The following IL3RA variants were observed in gnomAD, a reference collection of about 807,000 sequenced individuals.
IL3RA encodes interleukin 3 receptor subunit alpha, also known as interleukin-3 receptor subunit alpha.
A neutral mutation model predicts 52.3 loss-of-function variants in IL3RA; 73 were observed. The observed-to-expected ratio is 1.40, with a 90% confidence interval of 1.16 to 1.70. IL3RA has a LOEUF of 1.70. Ranked by LOEUF, IL3RA falls within the 40% of genes most tolerant of loss-of-function variation. IL3RA has a pLI of 0.00. For synonymous variants in IL3RA, 260 were observed against 194.0 expected (o/e 1.34, Z -2.83); for missense variants, 664 against 504.4 (o/e 1.32, Z -3.03).
At chrX:1,363,326 A>G (rs1170404795) in intron 8 of IL3RA, among the ~76,000 whole-genome samples, 2 of 132,400 alleles carry the variant, frequency 1.5e-5, no homozygotes, top group Non-Finnish European at 1.6e-5. Context: ...TTTGAGACGG[A>G]GTCTCGCTCT....
At position 1,344,196 on chromosome X, in the gene IL3RA, G is replaced by C. The variant is rs1204016580; in HGVS notation, c.65-1120G>C. ...CGTCTGTGATCCCAGCACTTTGGGA[G>C]GCTGAGGCAGGCAGATCATGTGAGG... On this transcript the variant is annotated intron_variant, in intron 2 of 11. Coordinates refer to ENST00000331035, the MANE Select transcript of IL3RA (RefSeq NM_002183.4). Among the ~76,000 whole-genome samples, 6 of 152,200 alleles carry C rather than the reference G, an allele frequency of 3.9e-5. No homozygotes were observed. The South Asian group carries it at 1.0e-3, about 26-fold the overall frequency.
rs372441655 is a variant in IL3RA at position 1,350,588 on chromosome X, T to TA, written c.299-1497dup. 2.4e-4 allele frequency among the ~76,000 whole-genome samples: 29 copies of TA among 121,664 alleles called. 2 individuals are homozygous for TA. The highest frequency in any genetic ancestry group is 1.9e-3 in the East Asian group (7 of 3,738). 79.8% of individuals were successfully genotyped at this position (121,664 alleles called of 152,430 possible). ...TGGGCAACAAGAGTGAAATTCCATC[T>TA]AAAAAAAAAAAAAAATTAAAAAGAA... On this transcript the variant is annotated intron_variant, in intron 4 of 11. Coordinates refer to ENST00000331035, the MANE Select transcript of IL3RA (RefSeq NM_002183.4).
intron 8 of IL3RA, among the ~76,000 whole-genome samples, chrX:1,363,196 G>A (rs1603447412): frequency 6.6e-6 from 1 of 152,112 alleles, no homozygotes; most frequent in African/African-American, 2.4e-5. Context: ...TCATCATAAG[G>A]CCCCATTGTA....
chrX:1,363,467 A>AT (rs1439317140), intron 8 of IL3RA, among the ~76,000 whole-genome samples: 2 of 151,156 alleles, frequency 1.3e-5, no homozygotes, highest in South Asian at 2.1e-4. Flanking sequence ...GGCCCGGCTA[A>AT]TTTTTTGTAT....
intron 10 of IL3RA, among the ~76,000 whole-genome samples, chrX:1,379,881 T>TC (rs1251481817): frequency 6.6e-6 from 1 of 152,192 alleles, no homozygotes; most frequent in African/African-American, 2.4e-5. Context: ...TGCCTCAGCC[T>TC]CCCTGAGTAG....
intron 10 of IL3RA, 121 bp downstream of exon 10, chrX:1,378,885 C>A: frequency 1.0e-6 from 1 of 964,058 alleles, no homozygotes; most frequent in Non-Finnish European, 1.6e-6. Flanking sequence ...CTCTGTCTCC[C>A]AGGCTGGAGT....
intron 9 of IL3RA, among the ~76,000 whole-genome samples, chrX:1,368,166 G>A (rs1308028220): frequency 6.6e-6 from 1 of 152,180 alleles, no homozygotes; most frequent in Non-Finnish European, 1.5e-5. Context: ...GGCTGAGGCA[G>A]GAGAATGGCG....
In IL3RA at chrX:1,381,051, C is replaced by A; in HGVS notation, c.1009C>A (p.Arg337Ser). Residue 337 changes from arginine to serine, a missense_variant, in exon 11 of 12, where the codon CGC (arginine) becomes AGC (serine). Physicochemically the swap from Arg to Ser is moderately radical, Grantham distance 110 (BLOSUM62 -1). Transcript: ENST00000331035. ...RYLVMQRLFPRIPHMKDPIGD... is the reference protein window; with the variant it reads ...RYLVMQRLFPSIPHMKDPIGD... ...TCTGGTGATGCAGAGACTCTTTCCC[C>A]GCATCCCTCACATGAAAGACCCCAT... 6.2e-7 allele frequency: 1 copy of A among 1,613,776 alleles called. No individual in the cohort carries two copies. The highest frequency in any genetic ancestry group is 8.5e-7 in the Non-Finnish European group (1 of 1,179,782).
intron 9 of IL3RA, among the ~76,000 whole-genome samples, chrX:1,377,076 CA>C (rs1196021090): frequency 4.2e-5 from 6 of 141,258 alleles, no homozygotes; most frequent in Non-Finnish European, 7.6e-5. Context: ...AGGACACAGA[CA>C]CACACCAAGG....
intron 8 of IL3RA, among the ~76,000 whole-genome samples, chrX:1,359,678 CTCTA>C (rs1461437887): frequency 4.4e-4 from 66 of 150,882 alleles, no homozygotes; most frequent in South Asian, 2.8e-3. Context: ...CCGTGTCTGT[CTCTA>C]TCTTTCTCCC....
chrX:1,364,197 A>G (rs2087729885), intron 8 of IL3RA, among the ~76,000 whole-genome samples: 1 of 142,460 alleles, frequency 7.0e-6, no homozygotes. Context: ...CAAAAAAAAA[A>G]AAATTTTTTT....
rs1222978920 is a variant in IL3RA, at chrX:1,346,737, C to G, written c.183+1303C>G. Among the ~76,000 whole-genome samples the G allele has an allele frequency of 2.0e-5, 3 of 151,346 alleles. 1 individual carries two copies. Among genetic ancestry groups the G allele is most frequent in the Admixed American group, 2.0e-4 (3 of 15,218 alleles). ...CGTTCTCAGGGTTTGAGAACAGCGC[C>G]AGACCTCATGGGGTGGCCCAGGTGA... On this transcript the variant is annotated intron_variant, in intron 3 of 11. Transcript: ENST00000331035.
intron 8 of IL3RA, among the ~76,000 whole-genome samples, chrX:1,362,925 A>G (rs1379871018): frequency 2.0e-5 from 3 of 151,762 alleles, no homozygotes; most frequent in Non-Finnish European, 2.9e-5. Context: ...ACAGGTGCAC[A>G]CCACCACGCC....
intron 9 of IL3RA, 45 bp from the exon 10 acceptor site, chrX:1,378,614 C>A (rs2149217437): frequency 6.5e-7 from 1 of 1,541,058 alleles, no homozygotes; most frequent in South Asian, 1.1e-5. Context: ...CCTGGTCCCC[C>A]CAGGACGGCC....
At chrX:1,365,328 AGCGGGGTGC>A (rs2087868837) in intron 9 of IL3RA, 76 bp downstream of exon 9, 88 of 586,596 alleles carry the variant, frequency 1.5e-4, no homozygotes, top group South Asian at 1.4e-3. Context: ...GCGCGGGGTG[AGCGGGGTGC>A]GCGGGGTGAG....
chrX:1,376,887 T>C (rs1163905700), intron 9 of IL3RA, among the ~76,000 whole-genome samples: 1 of 104,036 alleles, frequency 9.6e-6, no homozygotes, highest in African/African-American at 4.6e-5. Flanking sequence ...GAAGACGGCG[T>C]CTCCAAGCCC....
intron 8 of IL3RA, among the ~76,000 whole-genome samples, chrX:1,364,765 G>A (rs1182475722): frequency 5.9e-5 from 9 of 151,274 alleles, no homozygotes; most frequent in East Asian, 3.9e-4. Context: ...GGCATAAACC[G>A]TAGCACCCAG....
In IL3RA at chrX:1,347,786, C is replaced by T. The variant is rs1409135712; in HGVS notation, c.184-645C>T. ...GGGCGCGGTGGCTCACGCCTGTCAT[C>T]CCAGCACTTTGGGAGGCCGAGGAGG... On this transcript the variant is annotated intron_variant, in intron 3 of 11. Coordinates refer to ENST00000331035, the MANE Select transcript of IL3RA (RefSeq NM_002183.4). 3.3e-5 allele frequency among the ~76,000 whole-genome samples: 5 copies of T among 151,892 alleles called. No individual in the cohort carries two copies. In the East Asian group the frequency reaches 9.7e-4, roughly 29 times the overall value.
At chrX:1,382,341 C>CT (rs2089222636) in intron 11 of IL3RA, 50 bp from the exon 12 acceptor site, 1 of 1,333,882 alleles carries the variant, frequency 7.5e-7, no homozygotes. Flanking sequence ...GACGTGGGCT[C>CT]TGTTATCTGG....
Sources: allele counts gnomAD v4.1 joint callset (sites outside exome capture counted in the v4.1 genomes callset), GRCh38; gene constraint gnomAD v4.1.1; transcripts MANE v1.5; gene names NCBI Gene and HGNC (gene_info 2026-07-23, HGNC 2026-07-21).